The following HAL variants were observed in gnomAD, a reference collection of about 807,000 sequenced individuals.
HAL encodes the protein histidine ammonia-lyase, also known as histidase.
HAL carries 85 observed loss-of-function variants against 81.1 expected under a neutral mutation model. That is an observed-to-expected ratio of 1.05 (90% CI 0.88 to 1.25). The LOEUF is 1.25. Ranked by LOEUF, HAL falls within the 50% of genes most tolerant of loss-of-function variation. HAL has a pLI of 0.00. For synonymous variants in HAL, 301 were observed against 309.2 expected (o/e 0.97, Z 0.28); for missense variants, 798 against 836.6 (o/e 0.95, Z 0.57).
At chr12:95,989,329 C>A (rs1167893979) in intron 10 of HAL, among the ~76,000 whole-genome samples, 1 of 152,204 alleles carries the variant, frequency 6.6e-6, no homozygotes, top group African/African-American at 2.4e-5. Flanking sequence ...CAGGCACATG[C>A]TACTGTGCCA....
rs2080724808 is a variant in HAL at position 95,976,710 on chromosome 12, A to G, written c.1655-4T>C. 6.3e-7 allele frequency: 1 copy of G among 1,585,072 alleles called. No homozygotes were observed. The highest frequency in any genetic ancestry group is 8.7e-7 in the Non-Finnish European group (1 of 1,153,812). Reference sequence around the variant, plus strand: ...GCAAGGAGCTCGATGGCCAGCACTGAAACAAGAAATTCCAAGAGGGTAGCT... The same window carrying G: ...GCAAGGAGCTCGATGGCCAGCACTGGAACAAGAAATTCCAAGAGGGTAGCT... On this transcript the variant is annotated splice_region_variant and splice_polypyrimidine_tract_variant and intron_variant, in intron 18 of 20. Coordinates refer to ENST00000261208, the MANE Select transcript of HAL (RefSeq NM_002108.4).
intron 15 of HAL, chr12:95,983,635 A>G (rs1226253248): frequency 2.1e-6 from 1 of 485,964 alleles, no homozygotes; most frequent in Admixed American, 3.5e-5. Context: ...ATGTCAGCCA[A>G]TGCTGGAAAT....
Position 95,993,950 on chromosome 12 carries a change from C to A in HAL, c.460G>T (p.Asp154Tyr), listed in dbSNP as rs377080079. The change falls in exon 6 of 21, where the codon GAT becomes TAT. Residue 154 changes from aspartate (D) to tyrosine (Y), a missense_variant. Asp to Tyr is a radical substitution (Grantham distance 160, BLOSUM62 -3). Transcript: ENST00000261208. ...CCTGTTTTCTCTTTTATGATGCTATCTATGACCTCCCTGGATTTCTGCACC... is the reference window on the plus strand; with the variant it reads ...CCTGTTTTCTCTTTTATGATGCTATATATGACCTCCCTGGATTTCTGCACC... The part of the protein sequence containing the change: ...KRVQKSREVI[D>Y]SIIKEKTVVY... The A allele has an allele frequency of 6.2e-7, 1 of 1,607,192 alleles. No individual in the cohort carries two copies. Among genetic ancestry groups the A allele is most frequent in the African/African-American group, 1.3e-5 (1 of 74,742 alleles).
Position 95,990,393 on chromosome 12 carries a change from G to T in HAL, c.855C>A (p.Tyr285Ter). 1.2e-6 allele frequency: 2 copies of T among 1,612,232 alleles called. No homozygotes were observed. Among genetic ancestry groups the T allele is most frequent in the East Asian group, 4.5e-5 (2 of 44,858 alleles). The change falls in exon 10 of 21, where the codon TAC becomes TAA. Residue 285 changes from tyrosine to a stop codon, truncating the protein, a stop_gained and splice_region_variant. Coordinates refer to ENST00000261208, the MANE Select transcript of HAL (RefSeq NM_002108.4). LOFTEE classifies it high-confidence loss of function. The stretch of plus-strand genomic sequence containing the variant: ...AGATAGAAGCTGCTACGAGTCTTAC[G>T]TATTTAGCATCAGCCCAGCCACTCT... The part of the protein sequence containing the change: ...SPKSGWADAK[Y>*]VLEAHGLKPV...
At chr12:95,985,305 G>T (rs1359062617) in intron 14 of HAL, among the ~76,000 whole-genome samples, 1 of 152,114 alleles carries the variant, frequency 6.6e-6, no homozygotes, top group African/African-American at 2.4e-5. Context: ...AACATAAGAG[G>T]TTGTCTGGGC....
In HAL at chr12:95,980,870, A is replaced by G. The variant is rs1295340480; in HGVS notation, c.1288-7T>C. On this transcript the variant is annotated splice_region_variant and splice_polypyrimidine_tract_variant and intron_variant, in intron 15 of 20. Coordinates refer to ENST00000261208, the MANE Select transcript of HAL (RefSeq NM_002108.4). Reference sequence around the variant, plus strand: ...CCCTATTGGCAAAGACCATCTTTCAAAAGAGGTTAAGGCTTGAAGATAATG... The same window carrying G: ...CCCTATTGGCAAAGACCATCTTTCAGAAGAGGTTAAGGCTTGAAGATAATG... The G allele has an allele frequency of 1.3e-6, 2 of 1,527,526 alleles. No individual in the cohort carries two copies. The highest frequency in any genetic ancestry group is 2.2e-5 in the South Asian group (2 of 89,092). The allele number at this position is 1,527,526 out of a possible 1,614,324, so 94.6% of individuals were successfully genotyped here.
intron 15 of HAL, among the ~76,000 whole-genome samples, chr12:95,981,398 T>C (rs925710901): frequency 1.3e-5 from 2 of 152,240 alleles, no homozygotes; most frequent in African/African-American, 4.8e-5. Context: ...TGGTGGCCAA[T>C]ATGTCCTCAT....
At chr12:95,979,342 T>C (rs2136794304) in intron 17 of HAL, among the ~76,000 whole-genome samples, 2 of 152,330 alleles carry the variant, frequency 1.3e-5, no homozygotes, top group Admixed American at 1.3e-4. Context: ...TTATTTGTGT[T>C]CGTTGGGAAT....
At chr12:95,986,414 G>A (rs895090848) in intron 12 of HAL, among the ~76,000 whole-genome samples, 2 of 151,962 alleles carry the variant, frequency 1.3e-5, no homozygotes, top group Admixed American at 1.3e-4. Flanking sequence ...AAAGTCCCAG[G>A]GGTCCTTAGC....
At chr12:95,996,026 C>A in intron 1 of HAL, 35 bp from the exon 2 acceptor site, 1 of 955,152 alleles carries the variant, frequency 1.0e-6, no homozygotes. Flanking sequence ...AAACCACTCC[C>A]CCTCCTTCAC....
Position 95,974,203 on chromosome 12 carries a change from TCTC to T in HAL, c.*26_*28del. The stretch of plus-strand genomic sequence containing the variant: ...TTGCTTTGTGCTAAACTGACTGCCC[TCTC>T]ATCTGCTACTTCATGACAAAGCCCA... On this transcript the variant is annotated 3_prime_UTR_variant, in exon 21 of 21. Transcript: ENST00000261208. 1 of 1,606,558 alleles carries T rather than the reference TCTC, an allele frequency of 6.2e-7. No individual in the cohort carries two copies. The highest frequency in any genetic ancestry group is 8.5e-7 in the Non-Finnish European group (1 of 1,173,072).
intron 3 of HAL, 44 bp from the exon 4 acceptor site, chr12:95,994,869 C>G (rs1950013679): frequency 6.2e-7 from 1 of 1,611,240 alleles, no homozygotes; most frequent in Admixed American, 1.7e-5. Context: ...TGGAAAAACC[C>G]CCAGCCCCAC....
At chr12:95,984,122 C>T (rs1949848001) in intron 14 of HAL, 131 bp from the exon 15 acceptor site, 1 of 622,964 alleles carries the variant, frequency 1.6e-6, no homozygotes, top group Non-Finnish European at 2.9e-6. Flanking sequence ...AAAGTTATAA[C>T]CATGGAAATT....
chr12:95,976,499 C>T lies in HAL; in HGVS notation c.1764-1G>A, dbSNP rs1458479973. The T allele has an allele frequency of 1.9e-6, 3 of 1,614,052 alleles. No individual in the cohort carries two copies. The highest frequency in any genetic ancestry group is 2.2e-5 in the South Asian group (2 of 91,080). On this transcript the variant is annotated splice_acceptor_variant, in intron 19 of 20. Coordinates refer to ENST00000261208, the MANE Select transcript of HAL (RefSeq NM_002108.4). LOFTEE classifies it high-confidence loss of function. ...CATGAAGCGATCTTTTATCCAGGGCCTACAGGGAGAGCACATCCGCCCATC... is the reference window on the plus strand; with the variant it reads ...CATGAAGCGATCTTTTATCCAGGGCTTACAGGGAGAGCACATCCGCCCATC...
At chr12:95,976,165 T>A in intron 20 of HAL, 1 of 489,456 alleles carries the variant, frequency 2.0e-6, no homozygotes, top group Admixed American at 3.3e-5. Context: ...CTTATTTTTT[T>A]CCCCATGAAT....
At position 95,994,990 on chromosome 12, in the gene HAL, A is replaced by G. The variant is rs1208740282; in HGVS notation, c.251T>C (p.Ile84Thr). Residue 84 changes from isoleucine (I) to threonine (T), a missense_variant, in exon 3 of 21, where the codon ATA (isoleucine) becomes ACA (threonine). By Grantham distance (89) the Ile-to-Thr change is moderately conservative. Coordinates refer to ENST00000261208, the MANE Select transcript of HAL (RefSeq NM_002108.4). The stretch of plus-strand genomic sequence containing the variant: ...GTCAGGAGACATGGCATCACCCTCT[A>G]TAACTAAAACAATGCACGGGAGACT... ...LENNEFVEVVIEGDAMSPDFI... is the reference protein window; with the variant it reads ...LENNEFVEVVTEGDAMSPDFI... 6 of 1,608,610 alleles carry G rather than the reference A, an allele frequency of 3.7e-6. No individual in the cohort carries two copies. The highest frequency in any genetic ancestry group is 1.1e-5 in the South Asian group (1 of 90,948).
chr12:95,983,536 C>T (rs997197634), intron 15 of HAL: 6 of 306,870 alleles, frequency 2.0e-5, no homozygotes, highest in Non-Finnish European at 1.2e-5. Context: ...AATTGTTCAG[C>T]ATTTCTGCAA....
intron 14 of HAL, among the ~76,000 whole-genome samples, chr12:95,985,475 A>G (rs1050497374): frequency 3.3e-5 from 5 of 152,038 alleles, no homozygotes; most frequent in Admixed American, 3.3e-4. Flanking sequence ...CTGTAATCCC[A>G]TCTACTCGGG....
At chr12:95,984,971 A>G (rs1270020939) in intron 14 of HAL, among the ~76,000 whole-genome samples, 1 of 152,254 alleles carries the variant, frequency 6.6e-6, no homozygotes, top group Non-Finnish European at 1.5e-5. Context: ...AATATGGTTT[A>G]TTGAGATGAC....
Sources: allele counts gnomAD v4.1 joint callset (sites outside exome capture counted in the v4.1 genomes callset), GRCh38; gene constraint gnomAD v4.1.1; transcripts MANE v1.5; gene names NCBI Gene and HGNC (gene_info 2026-07-23, HGNC 2026-07-21).